SYCP2: variants seen among roughly 807,000 people sequenced by gnomAD.
SYCP2 encodes synaptonemal complex lateral element protein.
Under a neutral mutation model 211.3 loss-of-function variants are expected in SYCP2, and 55 were observed. The observed-to-expected ratio is 0.26, with a 90% CI of 0.21 to 0.33. The LOEUF (loss-of-function observed/expected upper bound fraction) is 0.33. SYCP2 is among the 10% of genes least tolerant of loss of function. SYCP2 has a pLI of 1.00. For synonymous variants in SYCP2, 570 were observed against 555.2 expected, an observed-to-expected ratio of 1.03 and a Z score of -0.37; for missense variants, 1,731 against 1,752.0, an observed-to-expected ratio of 0.99 and a Z score of 0.21.
At chr20:59,919,706 A>C (rs2060505456) in intron 5 of SYCP2, 109 bp from the exon 6 acceptor site, 1 of 558,370 alleles carries the variant, frequency 1.8e-6, no homozygotes, top group South Asian at 3.3e-5. Flanking sequence ...ATCAAAATTA[A>C]AATTTTAGTG....
chr20:59,889,860 T>C (rs912179980), intron 24 of SYCP2, among the ~76,000 whole-genome samples: 9 of 152,030 alleles, frequency 5.9e-5, no homozygotes, highest in African/African-American at 2.2e-4. Context: ...AAGACAGTTA[T>C]CATCTAGCAC....
In SYCP2 at chr20:59,915,456, G is replaced by A; in HGVS notation, c.599+9C>T. On this transcript the variant is annotated intron_variant, in intron 9 of 44. Transcript: ENST00000357552. ...TAAGAATAAAAACCATATAAGTACAGATTATTACATGAGAATTAACATTTC... is the reference window on the plus strand; with the variant it reads ...TAAGAATAAAAACCATATAAGTACAAATTATTACATGAGAATTAACATTTC... 3 of 1,549,272 alleles carry A rather than the reference G, an allele frequency of 1.9e-6. No homozygotes were observed. The highest frequency in any genetic ancestry group is 1.1e-5 in the South Asian group (1 of 89,108).
chr20:59,872,602 C>T (rs2059474752), intron 35 of SYCP2, among the ~76,000 whole-genome samples: 1 of 151,780 alleles, frequency 6.6e-6, no homozygotes, highest in African/African-American at 2.4e-5. Flanking sequence ...ATATAGCATT[C>T]AGTGCTATCC....
At position 59,865,634 on chromosome 20, in the gene SYCP2, G is replaced by T. The variant is rs764677111; in HGVS notation, c.4397C>A (p.Thr1466Asn). The T allele has an allele frequency of 2.5e-6, 4 of 1,598,196 alleles. No individual in the cohort carries two copies. In the East Asian group the frequency reaches 6.7e-5, roughly 27 times the overall value. The part of the protein sequence containing the change: ...SEQQRLHLLK[T>N]SLAKSVFCNT... ...ACAGAAGACACTTTTAGCCAATGAAGTTTTCAAAAGATGAAGCCTAAGAAG... is the reference window on the plus strand; with the variant it reads ...ACAGAAGACACTTTTAGCCAATGAATTTTTCAAAAGATGAAGCCTAAGAAG... The change falls in exon 43 of 45, where the codon ACT becomes AAT. Residue 1466 changes from threonine (T) to asparagine (N), a missense_variant. Transcript: ENST00000357552.
Position 59,892,239 on chromosome 20 carries a change from C to T in SYCP2, c.2115G>A (p.Gln705=). The change falls in exon 24 of 45, where the codon CAG becomes CAA. Residue 705 remains glutamine, a synonymous_variant. Coordinates refer to ENST00000357552, the MANE Select transcript of SYCP2 (RefSeq NM_014258.4). ...QQQNHPKYSG[Q]KNTENAKQSD... ...TCTGCTTGGCATTTTCAGTATTTTT[C>T]TGCCCTGAATATTTAGGATGATTTT... 1.2e-6 allele frequency: 2 copies of T among 1,612,834 alleles called. No individual in the cohort carries two copies. The highest frequency in any genetic ancestry group is 1.7e-6 in the Non-Finnish European group (2 of 1,179,240).
intron 23 of SYCP2, 61 bp downstream of exon 23, chr20:59,892,507 T>C (rs1042167443): frequency 3.9e-6 from 6 of 1,532,214 alleles, no homozygotes; most frequent in Non-Finnish European, 5.3e-6. Flanking sequence ...GTTTTAATAC[T>C]TGTTAGACAT....
intron 2 of SYCP2, among the ~76,000 whole-genome samples, chr20:59,923,885 AAAGT>A (rs1202882243): frequency 1.3e-5 from 2 of 151,966 alleles, no homozygotes; most frequent in Admixed American, 6.6e-5. Context: ...CAGACAACAC[AAAGT>A]AAGGTGATAG....
rs565353821 is a variant in SYCP2 at position 59,900,464 on chromosome 20, C to G, written c.1258-180G>C. On this transcript the variant is annotated intron_variant, in intron 17 of 44. Coordinates refer to ENST00000357552, the MANE Select transcript of SYCP2 (RefSeq NM_014258.4). ...TAAAAAGTATCCATTTTTTCAAACT[C>G]TAATAGACATAAAAGAAGCTTGACA... 8.5e-5 allele frequency among the ~76,000 whole-genome samples: 13 copies of G among 152,096 alleles called. No individual in the cohort carries two copies. The East Asian group carries it at 2.3e-3, about 27-fold the overall frequency.
chr20:59,887,109 G>A (rs182091197), intron 24 of SYCP2, among the ~76,000 whole-genome samples: 3 of 152,004 alleles, frequency 2.0e-5, no homozygotes, highest in South Asian at 4.2e-4. Context: ...CCATTAACTC[G>A]TCATTTACAT....
Position 59,900,395 on chromosome 20 carries a change from C to A in SYCP2, c.1258-111G>T, listed in dbSNP as rs543317059. ...TCATCTCACATATTCAATTATTTCCCTTTTCTATCCATGTGCTGTTATAAT... is the reference window on the plus strand; with the variant it reads ...TCATCTCACATATTCAATTATTTCCATTTTCTATCCATGTGCTGTTATAAT... On this transcript the variant is annotated intron_variant, in intron 17 of 44. Transcript: ENST00000357552. 514 of 973,080 alleles carry A rather than the reference C, an allele frequency of 5.3e-4. 2 individuals are homozygous for A. Among genetic ancestry groups the A allele is most frequent in the Non-Finnish European group, 6.8e-4 (467 of 683,658 alleles). The allele number at this position is 973,080 out of a possible 1,614,324, so 60.3% of individuals were successfully genotyped here.
chr20:59,866,682 A>T, intron 39 of SYCP2, 93 bp from the exon 40 acceptor site: 1 of 835,662 alleles, frequency 1.2e-6, no homozygotes. Context: ...CACGAAATGT[A>T]AATTACTAAG....
chr20:59,877,792 G>C (rs2059589747), intron 32 of SYCP2, among the ~76,000 whole-genome samples: 1 of 151,914 alleles, frequency 6.6e-6, no homozygotes, highest in African/African-American at 2.4e-5. Context: ...TCTAACTGAA[G>C]TAAAAGATTT....
At chr20:59,895,996 G>A (rs183032115) in intron 19 of SYCP2, among the ~76,000 whole-genome samples, 82 of 151,992 alleles carry the variant, frequency 5.4e-4, no homozygotes, top group African/African-American at 1.9e-3. Flanking sequence ...GTTTCACTAG[G>A]TAACTTATTA....
chr20:59,869,030 ATTCT>A (rs1212092922), intron 36 of SYCP2, 105 bp from the exon 37 acceptor site: 18 of 718,308 alleles, frequency 2.5e-5, no homozygotes, highest in Non-Finnish European at 3.6e-5. Flanking sequence ...AATGCTGTCA[ATTCT>A]TTCTCAGATT....
rs3736763 is a variant in SYCP2 at position 59,915,469 on chromosome 20, G to C, written c.595C>G (p.Leu199Val). The C allele has an allele frequency of 2.5e-6, 4 of 1,585,138 alleles. No individual in the cohort carries two copies. The highest frequency in any genetic ancestry group is 1.7e-5 in the Admixed American group (1 of 59,840). The change falls in exon 9 of 45, where the codon CTC becomes GTC. Residue 199 changes from leucine (L) to valine (V), a missense_variant. Transcript: ENST00000357552. Reference protein sequence around the residue: ...KILSNQEMLILMSSMGERILD... With the variant: ...KILSNQEMLIVMSSMGERILD... The stretch of plus-strand genomic sequence containing the variant: ...CATATAAGTACAGATTATTACATGA[G>C]AATTAACATTTCTTGGTTAGAGAGT...
intron 2 of SYCP2, among the ~76,000 whole-genome samples, chr20:59,923,535 C>CA (rs11480165): frequency 0.019 from 2,929 of 151,346 alleles, 40 homozygotes; most frequent in Middle Eastern, 0.041. Flanking sequence ...TCCATGTCTA[C>CA]AAAAAAATTT....
At chr20:59,903,463 T>G (rs909420701) in intron 15 of SYCP2, among the ~76,000 whole-genome samples, 8 of 152,074 alleles carry the variant, frequency 5.3e-5, no homozygotes, top group Non-Finnish European at 1.2e-4. Flanking sequence ...TGTAGACATT[T>G]GAGCCCATTG....
chr20:59,908,463 A>AT (rs550376676), intron 14 of SYCP2, among the ~76,000 whole-genome samples: 65 of 152,192 alleles, frequency 4.3e-4, no homozygotes, highest in Admixed American at 7.8e-4. Context: ...AAGGGACAGT[A>AT]TTCTAAGTTT....
At chr20:59,869,706 ATAT>A in intron 36 of SYCP2, 89 bp downstream of exon 36, 1 of 672,194 alleles carries the variant, frequency 1.5e-6, no homozygotes, top group Admixed American at 2.8e-5. Flanking sequence ...AAGCATTAAA[ATAT>A]TATAATTACC....
Sources: allele counts gnomAD v4.1 joint callset (sites outside exome capture counted in the v4.1 genomes callset), GRCh38; gene constraint gnomAD v4.1.1; transcripts MANE v1.5; gene names NCBI Gene and HGNC (gene_info 2026-07-23, HGNC 2026-07-21).